The following XXYLT1 variants were observed in gnomAD, a reference collection of about 807,000 sequenced individuals.
XXYLT1 encodes the protein UDP-xylose:alpha-xyloside alpha-1,3-xylosyltransferase.
Under a neutral mutation model 28.9 loss-of-function variants are expected in XXYLT1, and 20 were observed. The ratio of observed to expected loss-of-function variants is 0.69; its 90% CI spans 0.49 to 1.00. XXYLT1 has a LOEUF of 1.00. Among genes scored for constraint, XXYLT1 ranks in the 50% least tolerant of loss-of-function variants. The probability of loss-of-function intolerance (pLI) is 0.00; values close to 1 mark genes in which losing one functional copy is unlikely to be tolerated. For synonymous variants in XXYLT1, 257 were observed against 253.8 expected (o/e 1.01, Z -0.12); for missense variants, 542 against 560.1 (o/e 0.97, Z 0.33).
intron 2 of XXYLT1, among the ~76,000 whole-genome samples, chr3:195,166,683 T>C (rs761749498): frequency 6.6e-6 from 1 of 151,954 alleles, no homozygotes; most frequent in African/African-American, 2.4e-5. Flanking sequence ...TTTTTTTTTT[T>C]ATTGATTTAT....
In XXYLT1 at chr3:195,173,321, A is replaced by T. The variant is rs1409059330; in HGVS notation, c.653-16740T>A. ...AGGAAAGAAAATACCAGGAAGGCTC[A>T]GGGAAAGACGCAGCGTCTCCTCCCC... On this transcript the variant is annotated intron_variant, in intron 2 of 3. Transcript: ENST00000310380. The surrounding 1 kb of genome is among the most constrained non-coding windows in gnomAD (Gnocchi z 4.3). Among the ~76,000 whole-genome samples, 1 of 152,216 alleles carries T rather than the reference A, an allele frequency of 6.6e-6. No individual in the cohort carries two copies. The highest frequency in any genetic ancestry group is 1.5e-5 in the Non-Finnish European group (1 of 68,030).
In XXYLT1 at chr3:195,270,920, T is replaced by C. The variant is rs1489416924; in HGVS notation, c.139A>G (p.Thr47Ala). Residue 47 changes from threonine (T) to alanine (A), a missense_variant, in exon 1 of 4, where the codon ACC (threonine) becomes GCC (alanine). Coordinates refer to ENST00000310380, the MANE Select transcript of XXYLT1 (RefSeq NM_152531.5). ...AFYYLGSGRE[T>A]FSSATKRLKE... ...AGCCTCTTGGTGGCGCTGGAGAAGG[T>C]CTCCCGGCCTGAGCCGAGGTAGTAG... The C allele has an allele frequency of 3.4e-6, 5 of 1,482,682 alleles. No individual in the cohort carries two copies. Among genetic ancestry groups the C allele is most frequent in the Non-Finnish European group, 4.5e-6 (5 of 1,118,634 alleles). 91.8% of individuals were successfully genotyped at this position (1,482,682 alleles called of 1,614,324 possible). A position where few individuals can be genotyped will look rare whatever the true frequency, so the allele number is the denominator to read the frequency against.
intron 3 of XXYLT1, among the ~76,000 whole-genome samples, chr3:195,106,388 C>A (rs1717088159): frequency 6.7e-6 from 1 of 148,908 alleles, no homozygotes; most frequent in East Asian, 1.9e-4. Flanking sequence ...TAACCCTCAC[C>A]CCCAACCCCC....
At chr3:195,079,366 T>C (rs1715299726) in intron 3 of XXYLT1, among the ~76,000 whole-genome samples, 1 of 152,126 alleles carries the variant, frequency 6.6e-6, no homozygotes, top group Admixed American at 6.6e-5. Context: ...CTGAGTATTC[T>C]GTACGCCAAG....
In XXYLT1 at chr3:195,259,722, A is replaced by G. The variant is rs1300035993; in HGVS notation, c.504+10833T>C. ...GACCCAGCACCAGGGCGGCCCCCGGAGCCGGCCTCTGGCGGCCTCGGGTCT... is the reference window on the plus strand; with the variant it reads ...GACCCAGCACCAGGGCGGCCCCCGGGGCCGGCCTCTGGCGGCCTCGGGTCT... On this transcript the variant is annotated intron_variant, in intron 1 of 3. Transcript: ENST00000310380. 3.1e-6 allele frequency: 3 copies of G among 970,814 alleles called. No individual in the cohort carries two copies. In the East Asian group the frequency reaches 3.4e-4, roughly 111 times the overall value. 60.1% of individuals were successfully genotyped at this position (970,814 alleles called of 1,614,324 possible).
At chr3:195,175,610 A>ACT in intron 2 of XXYLT1, 1 of 1,536,118 alleles carries the variant, frequency 6.5e-7, no homozygotes, top group Non-Finnish European at 8.7e-7. Context: ...CACGGTAGTA[A>ACT]CAGACATCGC....
chr3:195,238,290 C>T (rs1230959854), intron 1 of XXYLT1, among the ~76,000 whole-genome samples: 1 of 152,212 alleles, frequency 6.6e-6, no homozygotes, highest in Non-Finnish European at 1.5e-5. Context: ...CCCCATCTGC[C>T]TGGTAAGATC....
rs1721666674 is a variant in XXYLT1 at position 195,176,376 on chromosome 3, G to A, written c.653-19795C>T. 6.6e-6 allele frequency among the ~76,000 whole-genome samples: 1 copy of A among 152,208 alleles called. No homozygotes were observed. The highest frequency in any genetic ancestry group is 1.5e-5 in the Non-Finnish European group (1 of 68,044). On this transcript the variant is annotated intron_variant, in intron 2 of 3. Transcript: ENST00000310380. This position sits in a 1 kb window ranked among gnomAD's most constrained non-coding sequence, Gnocchi z 4.9. ...TTATAATCCTGGGTAGAGGAGGGGT[G>A]TGTAGAATGCTTAAATCCCCTCCCA... is the stretch of plus-strand genomic sequence containing the variant.
chr3:195,140,371 G>C (rs186901114), intron 3 of XXYLT1, among the ~76,000 whole-genome samples: 1 of 152,214 alleles, frequency 6.6e-6, no homozygotes, highest in African/African-American at 2.4e-5. Flanking sequence ...GCACGGACTA[G>C]CAGAGGATGT....
At chr3:195,187,405 T>G (rs1381350511) in intron 2 of XXYLT1, among the ~76,000 whole-genome samples, 2 of 152,170 alleles carry the variant, frequency 1.3e-5, no homozygotes, top group African/African-American at 4.8e-5. Flanking sequence ...GTCTCTTCTG[T>G]GTCCCTTCTC....
rs1560153014 is a variant in XXYLT1 at position 195,209,054 on chromosome 3, A to C, written c.652+17655T>G. Among the ~76,000 whole-genome samples, 1 of 152,196 alleles carries C rather than the reference A, an allele frequency of 6.6e-6. No homozygotes were observed. Among genetic ancestry groups the C allele is most frequent in the Non-Finnish European group, 1.5e-5 (1 of 68,018 alleles). On this transcript the variant is annotated intron_variant, in intron 2 of 3. Transcript: ENST00000310380. This position sits in a 1 kb window ranked among gnomAD's most constrained non-coding sequence, Gnocchi z 5.0. ...TACTGTACCTGACTCCCCCAACCCA[A>C]GACAGAAGGGAAGCCATCGCCCACC...
chr3:195,178,170 C>T (rs2108731119), intron 2 of XXYLT1, among the ~76,000 whole-genome samples: 1 of 151,972 alleles, frequency 6.6e-6, no homozygotes, highest in Admixed American at 6.5e-5. Context: ...AGCCCCATCC[C>T]TCGCTCTTCC....
chr3:195,179,501 C>T (rs1721842614), intron 2 of XXYLT1, among the ~76,000 whole-genome samples: 3 of 152,096 alleles, frequency 2.0e-5, no homozygotes, highest in Admixed American at 2.0e-4. Flanking sequence ...AGCTCAAGAA[C>T]TGGTTTTCAG....
intron 2 of XXYLT1, among the ~76,000 whole-genome samples, chr3:195,170,574 G>A (rs1013385806): frequency 2.6e-5 from 4 of 152,208 alleles, no homozygotes; most frequent in Non-Finnish European, 4.4e-5. Context: ...ACCTGGCTTC[G>A]TTTCCTGTCA....
chr3:195,193,148 AGTG>A (rs1346719362), intron 2 of XXYLT1, among the ~76,000 whole-genome samples: 1 of 151,754 alleles, frequency 6.6e-6, no homozygotes, highest in Non-Finnish European at 1.5e-5. Context: ...GTTAGCCAGG[AGTG>A]GTGGTGTGCG....
rs1189226758 is a variant in XXYLT1 at position 195,168,314 on chromosome 3, C to T, written c.653-11733G>A. Reference sequence around the variant, plus strand: ...TGTTCTCAGAACAGCACAAATATATCATCAGACACAGGAGATATACTCTAC... The same window carrying T: ...TGTTCTCAGAACAGCACAAATATATTATCAGACACAGGAGATATACTCTAC... On this transcript the variant is annotated intron_variant, in intron 2 of 3. Transcript: ENST00000310380. The surrounding 1 kb of genome is among the most constrained non-coding windows in gnomAD (Gnocchi z 4.3). 6.6e-6 allele frequency among the ~76,000 whole-genome samples: 1 copy of T among 152,128 alleles called. No individual in the cohort carries two copies. The highest frequency in any genetic ancestry group is 1.5e-5 in the Non-Finnish European group (1 of 67,998).
chr3:195,268,028 T>C (rs1725896154), intron 1 of XXYLT1, among the ~76,000 whole-genome samples: 1 of 152,192 alleles, frequency 6.6e-6, no homozygotes, highest in Non-Finnish European at 1.5e-5. Context: ...GGTGTGTGCC[T>C]GTAATCCCAG....
intron 3 of XXYLT1, among the ~76,000 whole-genome samples, chr3:195,120,495 C>G (rs1044883999): frequency 6.6e-6 from 1 of 152,174 alleles, no homozygotes; most frequent in Non-Finnish European, 1.5e-5. Flanking sequence ...CAGTGACACT[C>G]CATATAAAGC....
intron 2 of XXYLT1, among the ~76,000 whole-genome samples, chr3:195,186,516 CT>C (rs1218970092): frequency 1.3e-5 from 2 of 152,164 alleles, no homozygotes; most frequent in African/African-American, 4.8e-5. Context: ...TCAATATGCT[CT>C]CGGCCTCACT....
Sources: gnomAD v4.1 joint callset for allele counts (sites outside exome capture counted in the v4.1 genomes callset) on GRCh38, gnomAD v4.1.1 for gene constraint, Gnocchi (gnomAD v3.1) non-coding constraint, MANE v1.5 for transcripts, NCBI Gene and HGNC (gene_info 2026-07-23, HGNC 2026-07-21) for gene names.